Variants in NSUN7 observed in about 807,000 individuals in gnomAD.
NSUN7 encodes NOP2/Sun RNA methyltransferase family member 7, also known as protein NSUN7.
A neutral mutation model predicts 58.5 loss-of-function variants in NSUN7; 39 were observed. The ratio of observed to expected loss-of-function variants is 0.67; its 90% confidence interval spans 0.52 to 0.87. The LOEUF is 0.87. NSUN7 is among the 40% of genes least tolerant of loss of function. The pLI, the probability that NSUN7 is intolerant of heterozygous loss-of-function variation, is 0.00. For missense variants in NSUN7, 765 were observed against 844.1 expected, an observed-to-expected ratio of 0.91 and a Z score of 1.16; for synonymous variants, 278 against 303.7, an observed-to-expected ratio of 0.92 and a Z score of 0.88.
At chr4:40,797,773 A>G (rs186462446) in intron 9 of NSUN7, among the ~76,000 whole-genome samples, 5 of 152,242 alleles carry the variant, frequency 3.3e-5, no homozygotes, top group East Asian at 1.9e-4. Flanking sequence ...GTTAAAACCC[A>G]TCATAACCCA....
intron 7 of NSUN7, among the ~76,000 whole-genome samples, chr4:40,779,617 T>C (rs1321052189): frequency 2.0e-5 from 3 of 152,098 alleles, no homozygotes; most frequent in Non-Finnish European, 2.9e-5. Context: ...AAACACTCTG[T>C]CTCTAAAAAA....
At position 40,784,234 on chromosome 4, in the gene NSUN7, CAT is replaced by C. The variant is rs201625492; in HGVS notation, c.1037-6366_1037-6365del. Among the ~76,000 whole-genome samples, 204 of 152,330 alleles carry C rather than the reference CAT, an allele frequency of 1.3e-3. 2 individuals are homozygous for C. The East Asian group carries it at 0.018, about 14-fold the overall frequency. The stretch of plus-strand genomic sequence containing the variant: ...TTTGGCAGTTTCCCAATAAGTTAAA[CAT>C]AGAGTTACTATATAACTTAAGAATT... On this transcript the variant is annotated intron_variant, in intron 7 of 11. Coordinates refer to ENST00000381782, the MANE Select transcript of NSUN7 (RefSeq NM_024677.6).
At chr4:40,805,426 G>T (rs1743772314) in intron 10 of NSUN7, among the ~76,000 whole-genome samples, 1 of 152,152 alleles carries the variant, frequency 6.6e-6, no homozygotes, top group Non-Finnish European at 1.5e-5. Flanking sequence ...TGCACCTGCA[G>T]TAGCTGTCAT....
intron 4 of NSUN7, 117 bp from the exon 5 acceptor site, chr4:40,774,148 T>C (rs938531029): frequency 1.0e-6 from 1 of 971,382 alleles, no homozygotes; most frequent in African/African-American, 1.7e-5. Context: ...ACTTCAAAAA[T>C]TTGAAATAGA....
chr4:40,772,362 C>G (rs994051105), intron 4 of NSUN7, among the ~76,000 whole-genome samples: 5 of 152,130 alleles, frequency 3.3e-5, no homozygotes, highest in African/African-American at 9.7e-5. Flanking sequence ...AGAACAGTAA[C>G]TCACCCCTTT....
intron 7 of NSUN7, among the ~76,000 whole-genome samples, chr4:40,785,025 A>T (rs769317381): frequency 6.6e-6 from 1 of 152,038 alleles, no homozygotes; most frequent in Non-Finnish European, 1.5e-5. Flanking sequence ...AAAGGACTGA[A>T]ATCATACAAA....
intron 4 of NSUN7, among the ~76,000 whole-genome samples, chr4:40,770,034 A>C (rs1231373097): frequency 6.6e-6 from 1 of 152,100 alleles, no homozygotes; most frequent in African/African-American, 2.4e-5. Context: ...AACATGGAGA[A>C]GCCCCATCTC....
chr4:40,786,493 C>T, intron 7 of NSUN7: 8 of 1,613,050 alleles, frequency 5.0e-6, no homozygotes, highest in Non-Finnish European at 6.8e-6. Flanking sequence ...TCAAGGAGTC[C>T]CTGTACTTAT....
chr4:40,800,904 T>G (rs937739342), intron 10 of NSUN7, among the ~76,000 whole-genome samples: 2 of 152,208 alleles, frequency 1.3e-5, no homozygotes, highest in Non-Finnish European at 2.9e-5. Context: ...AGAAAAGGTC[T>G]GACTTTATTC....
intron 10 of NSUN7, among the ~76,000 whole-genome samples, chr4:40,802,931 C>A: frequency 1.0e-5 from 1 of 96,302 alleles, no homozygotes; most frequent in Non-Finnish European, 1.9e-5. Flanking sequence ...TGCTAACCCT[C>A]CCCCCTCCCC....
At chr4:40,785,969 C>T in intron 7 of NSUN7, 1 of 1,179,352 alleles carries the variant, frequency 8.5e-7, no homozygotes, top group Non-Finnish European at 1.1e-6. Flanking sequence ...TATCAGGGCG[C>T]CTCCCCAGCG....
intron 4 of NSUN7, among the ~76,000 whole-genome samples, chr4:40,763,590 T>C (rs542367705): frequency 1.3e-5 from 2 of 152,148 alleles, no homozygotes; most frequent in Non-Finnish European, 2.9e-5. Context: ...TAAGAAAGAT[T>C]ACACTGTGGT....
At chr4:40,767,311 T>C (rs146942420) in intron 4 of NSUN7, among the ~76,000 whole-genome samples, 1 of 152,346 alleles carries the variant, frequency 6.6e-6, no homozygotes, top group Admixed American at 6.5e-5. Context: ...TCAAAGAACG[T>C]CTTTATTTCT....
At chr4:40,799,726 T>C (rs1442567855) in intron 10 of NSUN7, among the ~76,000 whole-genome samples, 3 of 152,164 alleles carry the variant, frequency 2.0e-5, no homozygotes, top group East Asian at 3.8e-4. Flanking sequence ...ATGCATTACC[T>C]AGGGAATTAT....
chr4:40,770,587 A>G (rs1741951445), intron 4 of NSUN7, among the ~76,000 whole-genome samples: 1 of 152,226 alleles, frequency 6.6e-6, no homozygotes, highest in African/African-American at 2.4e-5. Flanking sequence ...TTCAATTTAT[A>G]TTTAAAGAGA....
chr4:40,791,437 A>G (rs1743068781), intron 8 of NSUN7, among the ~76,000 whole-genome samples: 1 of 152,194 alleles, frequency 6.6e-6, no homozygotes, highest in Admixed American at 6.5e-5. Flanking sequence ...GTAACTTGTT[A>G]ACTTCTATTT....
chr4:40,785,778 C>T (rs1313215733), intron 7 of NSUN7, among the ~76,000 whole-genome samples: 1 of 152,188 alleles, frequency 6.6e-6, no homozygotes, highest in Non-Finnish European at 1.5e-5. Context: ...ATGTAGAATG[C>T]AACTAAGAGG....
At chr4:40,796,959 C>A (rs1030804582) in intron 9 of NSUN7, among the ~76,000 whole-genome samples, 16 of 152,212 alleles carry the variant, frequency 1.1e-4, no homozygotes, top group African/African-American at 3.6e-4. Flanking sequence ...ATTGCCATCA[C>A]ACGTTCACTC....
intron 4 of NSUN7, among the ~76,000 whole-genome samples, chr4:40,764,106 TA>T (rs1417660537): frequency 3.3e-5 from 5 of 151,962 alleles, no homozygotes; most frequent in Non-Finnish European, 7.4e-5. Flanking sequence ...CTTTAAGTTT[TA>T]GGGTACATGT....
Sources: allele counts gnomAD v4.1 joint callset (sites outside exome capture counted in the v4.1 genomes callset), GRCh38; gene constraint gnomAD v4.1.1; transcripts MANE v1.5; gene names NCBI Gene and HGNC (gene_info 2026-07-23, HGNC 2026-07-21).